The following SCAF8 variants were observed in gnomAD, a reference collection of about 807,000 sequenced individuals.
The protein encoded by SCAF8 is SR-related and CTD-associated factor 8.
In SCAF8, 23 loss-of-function variants were observed where a neutral mutation model predicts 140.5. That is an observed-to-expected ratio of 0.16 (90% CI 0.12 to 0.23). The LOEUF (loss-of-function observed/expected upper bound fraction) is 0.23. SCAF8 is among the 10% of genes least tolerant of loss of function. SCAF8 has a pLI of 1.00. For synonymous variants in SCAF8, 575 were observed against 528.9 expected, an observed-to-expected ratio of 1.09 and a Z score of -1.20; for missense variants, 1,397 against 1,555.7, an observed-to-expected ratio of 0.90 and a Z score of 1.72.
At chr6:154,762,462 C>G (rs1313723666) in intron 1 of SCAF8, among the ~76,000 whole-genome samples, 1 of 152,128 alleles carries the variant, frequency 6.6e-6, no homozygotes, top group Admixed American at 6.5e-5. Flanking sequence ...CCATTGGTCC[C>G]ATTTCTGGTC....
chr6:154,826,298 T>C (rs1778566019), intron 17 of SCAF8, among the ~76,000 whole-genome samples: 1 of 152,168 alleles, frequency 6.6e-6, no homozygotes, highest in African/African-American at 2.4e-5. Flanking sequence ...AAAGTCATTG[T>C]TCCTTATTAA....
intron 17 of SCAF8, 56 bp downstream of exon 17, chr6:154,824,434 G>A: frequency 6.7e-7 from 1 of 1,486,438 alleles, no homozygotes; most frequent in Non-Finnish European, 9.3e-7. Flanking sequence ...TTTAAGTTGT[G>A]TTTCTTCCAG....
At chr6:154,768,574 TTCTC>T (rs569873184) in intron 1 of SCAF8, among the ~76,000 whole-genome samples, 75 of 152,346 alleles carry the variant, frequency 4.9e-4, no homozygotes, top group East Asian at 2.1e-3. Flanking sequence ...TTGTTTATGT[TTCTC>T]TCTCCTGTGA....
chr6:154,733,528 A>C lies in SCAF8; in HGVS notation c.-373A>C. Reference sequence around the variant, plus strand: ...GGTGAAACAGGAGCCCGTCGGAGGAAGGGGCAGAAGGGAGTGGAGAGTGTA... The same window carrying C: ...GGTGAAACAGGAGCCCGTCGGAGGACGGGGCAGAAGGGAGTGGAGAGTGTA... On this transcript the variant is annotated 5_prime_UTR_variant, in exon 1 of 20. Coordinates refer to ENST00000367178, the MANE Select transcript of SCAF8 (RefSeq NM_014892.5). 7.7e-7 allele frequency: 1 copy of C among 1,302,896 alleles called. No individual in the cohort carries two copies. Among genetic ancestry groups the C allele is most frequent in the Middle Eastern group, 2.3e-4 (1 of 4,336 alleles). 80.7% of individuals were successfully genotyped at this position (1,302,896 alleles called of 1,614,324 possible).
chr6:154,811,987 C>T (rs542444482), intron 12 of SCAF8, among the ~76,000 whole-genome samples: 7 of 152,050 alleles, frequency 4.6e-5, no homozygotes, highest in East Asian at 1.9e-4. Flanking sequence ...TGAGTAGTGC[C>T]GCAGTAAATA....
chr6:154,748,965 C>T lies in SCAF8; in HGVS notation c.30+15035C>T, dbSNP rs545171665. ...GAATAAAATGTCTTTTTTTTTGAGA[C>T]GGAGTTTTCTCTGTCGCCCAGGCTG... On this transcript the variant is annotated intron_variant, in intron 1 of 19. Transcript: ENST00000367178. Among the ~76,000 whole-genome samples the T allele has an allele frequency of 6.6e-5, 10 of 151,930 alleles. 1 individual carries two copies. The highest frequency in any genetic ancestry group is 1.4e-4 in the African/African-American group (6 of 41,458).
intron 2 of SCAF8, 51 bp from the exon 3 acceptor site, chr6:154,777,950 A>G (rs1369366245): frequency 2.6e-6 from 3 of 1,156,334 alleles, no homozygotes; most frequent in Non-Finnish European, 3.9e-6. Context: ...AGGAAATTTC[A>G]ATCTCCTCAA....
intron 1 of SCAF8, among the ~76,000 whole-genome samples, chr6:154,760,376 C>T (rs973430485): frequency 2.6e-5 from 4 of 152,060 alleles, no homozygotes; most frequent in African/African-American, 7.2e-5. Flanking sequence ...TTCTCCTTTA[C>T]AAAGATTAGA....
rs138017241 is a variant in SCAF8, at chr6:154,814,694, C to T, written c.1421-1022C>T. 2.0e-5 allele frequency among the ~76,000 whole-genome samples: 3 copies of T among 152,204 alleles called. No individual in the cohort carries two copies. The East Asian group carries it at 5.8e-4, about 29-fold the overall frequency. On this transcript the variant is annotated intron_variant, in intron 12 of 19. Coordinates refer to ENST00000367178, the MANE Select transcript of SCAF8 (RefSeq NM_014892.5). ...AATCCAAATATAACATATGAAAATTCTGCAAAGGTGTCAGCTATAAATATT... is the reference window on the plus strand; with the variant it reads ...AATCCAAATATAACATATGAAAATTTTGCAAAGGTGTCAGCTATAAATATT...
At chr6:154,778,955 C>T (rs1378228772) in intron 3 of SCAF8, among the ~76,000 whole-genome samples, 1 of 152,124 alleles carries the variant, frequency 6.6e-6, no homozygotes, top group Non-Finnish European at 1.5e-5. Flanking sequence ...CTTTTAAAAG[C>T]ATTTCTCAGA....
chr6:154,773,395 T>G (rs1451974912), intron 1 of SCAF8, among the ~76,000 whole-genome samples: 1 of 152,248 alleles, frequency 6.6e-6, no homozygotes, highest in African/African-American at 2.4e-5. Context: ...CTTTTTTTCT[T>G]TTTATGGCTC....
intron 8 of SCAF8, among the ~76,000 whole-genome samples, chr6:154,804,848 T>C (rs1235975465): frequency 6.6e-6 from 1 of 152,142 alleles, no homozygotes; most frequent in African/African-American, 2.4e-5. Context: ...AACTATTATT[T>C]TTTCTTATTT....
At position 154,785,043 on chromosome 6, in the gene SCAF8, T is replaced by C. The variant is rs1777210763; in HGVS notation, c.160-2818T>C. ...CTTGCTTGACATTATAGTTTTACTTTGTATAAAATGAATTCTTAAAGTGGT... is the reference window on the plus strand; with the variant it reads ...CTTGCTTGACATTATAGTTTTACTTCGTATAAAATGAATTCTTAAAGTGGT... On this transcript the variant is annotated intron_variant, in intron 3 of 19. Coordinates refer to ENST00000367178, the MANE Select transcript of SCAF8 (RefSeq NM_014892.5). 2.6e-5 allele frequency among the ~76,000 whole-genome samples: 4 copies of C among 152,362 alleles called. No homozygotes were observed. The South Asian group carries it at 8.3e-4, about 32-fold the overall frequency.
At chr6:154,806,968 AAG>A (rs1328761253) in intron 9 of SCAF8, among the ~76,000 whole-genome samples, 1 of 152,230 alleles carries the variant, frequency 6.6e-6, no homozygotes, top group East Asian at 1.9e-4. Flanking sequence ...CAGAACTGCT[AAG>A]AGAGGCAGGA....
At chr6:154,755,017 T>C (rs749072747) in intron 1 of SCAF8, among the ~76,000 whole-genome samples, 5 of 152,208 alleles carry the variant, frequency 3.3e-5, no homozygotes, top group Non-Finnish European at 7.3e-5. Flanking sequence ...AACTTGGAAT[T>C]ATTTTAGATG....
chr6:154,778,378 A>G (rs72993433), intron 3 of SCAF8, among the ~76,000 whole-genome samples: 2,555 of 152,312 alleles, frequency 0.017, 26 homozygotes, highest in Non-Finnish European at 0.023. Context: ...CAGTCATTCA[A>G]CTGGCTAGGT....
intron 15 of SCAF8, among the ~76,000 whole-genome samples, chr6:154,821,318 A>G (rs1257636385): frequency 6.6e-6 from 1 of 151,350 alleles, no homozygotes; most frequent in African/African-American, 2.4e-5. Flanking sequence ...AAACATAGCC[A>G]TGCTCACTTG....
rs781733519 is a variant in SCAF8 at position 154,824,407 on chromosome 6, C to T, written c.2071+29C>T. 15 of 1,577,364 alleles carry T rather than the reference C, an allele frequency of 9.5e-6. No homozygotes were observed. In the Admixed American group the frequency reaches 2.5e-4, roughly 26 times the overall value. On this transcript the variant is annotated intron_variant, in intron 17 of 19. Transcript: ENST00000367178. ...AGGAATTTTTGTTTTAATATTTGAA[C>T]TCTATTTAGATTATCATTTAAGTTG...
intron 18 of SCAF8, among the ~76,000 whole-genome samples, chr6:154,829,056 ATTTG>A (rs1489318935): frequency 2.0e-5 from 3 of 152,134 alleles, no homozygotes; most frequent in Admixed American, 1.3e-4. Flanking sequence ...ATCTATAAAT[ATTTG>A]TTTGTTACAT....
Sources: gnomAD v4.1 joint callset for allele counts (sites outside exome capture counted in the v4.1 genomes callset) on GRCh38, gnomAD v4.1.1 for gene constraint, MANE v1.5 for transcripts, NCBI Gene and HGNC (gene_info 2026-07-23, HGNC 2026-07-21) for gene names.